ADAM2: variants seen among roughly 807,000 people sequenced by gnomAD.
ADAM2 encodes disintegrin and metalloproteinase domain-containing protein 2.
A neutral mutation model predicts 99.3 loss-of-function variants in ADAM2; 101 were observed. The observed-to-expected ratio is 1.02, with a 90% CI of 0.87 to 1.20. The LOEUF is 1.20. Ranked by LOEUF, ADAM2 falls within the 50% of genes most tolerant of loss-of-function variation. The probability of loss-of-function intolerance (pLI) is 0.00; values close to 1 mark genes in which losing one functional copy is unlikely to be tolerated. For synonymous variants in ADAM2, 323 were observed against 287.6 expected, an observed-to-expected ratio of 1.12 and a Z score of -1.25; for missense variants, 948 against 878.7, an observed-to-expected ratio of 1.08 and a Z score of -1.00.
chr8:39,782,752 C>G (rs1203765445), intron 10 of ADAM2, among the ~76,000 whole-genome samples: 2 of 151,880 alleles, frequency 1.3e-5, no homozygotes, highest in African/African-American at 2.4e-5. Context: ...TTTGTTTTTT[C>G]AGCTTTTTTT....
chr8:39,783,385 T>G (rs1803314717), intron 10 of ADAM2, among the ~76,000 whole-genome samples: 1 of 152,168 alleles, frequency 6.6e-6, no homozygotes, highest in Admixed American at 6.6e-5. Flanking sequence ...TATGGACCTC[T>G]TTTTCCTTTA....
intron 7 of ADAM2, among the ~76,000 whole-genome samples, chr8:39,792,409 C>A (rs1803757277): frequency 6.6e-6 from 1 of 151,896 alleles, no homozygotes; most frequent in Admixed American, 6.6e-5. Context: ...TCTATAAGAC[C>A]TCAGGATTCT....
chr8:39,821,560 T>C lies in ADAM2; in HGVS notation c.344+26A>G, dbSNP rs774757819. 2.0e-6 allele frequency: 3 copies of C among 1,467,778 alleles called. No homozygotes were observed. In the African/African-American group the frequency reaches 4.2e-5, roughly 21 times the overall value. 90.9% of individuals were successfully genotyped at this position (1,467,778 alleles called of 1,614,324 possible). On this transcript the variant is annotated intron_variant, in intron 5 of 20. Coordinates refer to ENST00000265708, the MANE Select transcript of ADAM2 (RefSeq NM_001464.5). ...ATTTTGAAGTAAATATTTTATTTTG[T>C]AATTCATAAAACAGTAAATTACAAC...
At chr8:39,813,437 T>C (rs1022118372) in intron 6 of ADAM2, among the ~76,000 whole-genome samples, 2 of 152,216 alleles carry the variant, frequency 1.3e-5, no homozygotes, top group Non-Finnish European at 1.5e-5. Flanking sequence ...CCCAAAGGAT[T>C]ATAAATCATG....
intron 16 of ADAM2, among the ~76,000 whole-genome samples, chr8:39,751,836 ACT>A (rs1801959744): frequency 6.7e-6 from 1 of 150,242 alleles, no homozygotes; most frequent in Admixed American, 6.6e-5. Context: ...ATCTGTACAT[ACT>A]CTTTTTTTTT....
At chr8:39,772,014 T>C (rs373926478) in intron 11 of ADAM2, among the ~76,000 whole-genome samples, 2 of 150,624 alleles carry the variant, frequency 1.3e-5, no homozygotes, top group African/African-American at 4.9e-5. Context: ...ACCGAAATGG[T>C]GCATGTATAC....
At chr8:39,831,703 A>G (rs1317567948) in intron 3 of ADAM2, among the ~76,000 whole-genome samples, 1 of 152,308 alleles carries the variant, frequency 6.6e-6, no homozygotes, top group African/African-American at 2.4e-5. Flanking sequence ...TGAAGAGTAG[A>G]TTAGACATAC....
rs1823381885 is a variant in ADAM2, at chr8:39,744,815, A to G, written c.*30+15T>C. On this transcript the variant is annotated intron_variant, in intron 20 of 20. Coordinates refer to ENST00000265708, the MANE Select transcript of ADAM2 (RefSeq NM_001464.5). Reference sequence around the variant, plus strand: ...TTAAAGTAAAATAAATTTTAAAAAAATGAAAGAAACTCACAGTGATATCAT... The same window carrying G: ...TTAAAGTAAAATAAATTTTAAAAAAGTGAAAGAAACTCACAGTGATATCAT... 2.6e-6 allele frequency: 4 copies of G among 1,541,762 alleles called. No homozygotes were observed. Among genetic ancestry groups the G allele is most frequent in the Non-Finnish European group, 3.5e-6 (4 of 1,136,456 alleles).
At chr8:39,778,861 G>C (rs1380649063) in intron 10 of ADAM2, among the ~76,000 whole-genome samples, 5 of 151,962 alleles carry the variant, frequency 3.3e-5, no homozygotes, top group African/African-American at 9.7e-5. Context: ...CCCTATTTTT[G>C]AGATATTGTA....
intron 1 of ADAM2, 137 bp downstream of exon 1, chr8:39,837,994 T>C (rs1425851858): frequency 1.1e-6 from 1 of 917,328 alleles, no homozygotes; most frequent in East Asian, 2.6e-5. Context: ...GGCGGCAATG[T>C]CGGGGATGAG....
At chr8:39,811,206 T>G (rs961293354) in intron 6 of ADAM2, among the ~76,000 whole-genome samples, 3 of 152,224 alleles carry the variant, frequency 2.0e-5, no homozygotes, top group Non-Finnish European at 4.4e-5. Context: ...GATAAATTCC[T>G]GGACACATAC....
chr8:39,808,230 G>C (rs970382927), intron 7 of ADAM2, among the ~76,000 whole-genome samples: 1 of 132,752 alleles, frequency 7.5e-6, no homozygotes, highest in East Asian at 2.5e-4. Context: ...ACAATTACAA[G>C]TAATAAACAT....
intron 10 of ADAM2, among the ~76,000 whole-genome samples, chr8:39,783,883 C>G (rs190315893): frequency 6.6e-6 from 1 of 151,342 alleles, no homozygotes; most frequent in Non-Finnish European, 1.5e-5. Context: ...ACCTGGGAGG[C>G]GGGGTGAGTC....
At chr8:39,824,522 A>C (rs1805322926) in intron 4 of ADAM2, among the ~76,000 whole-genome samples, 1 of 152,102 alleles carries the variant, frequency 6.6e-6, no homozygotes, top group African/African-American at 2.4e-5. Flanking sequence ...TCCTGATACA[A>C]GTCATGGTTT....
intron 15 of ADAM2, among the ~76,000 whole-genome samples, chr8:39,760,131 T>G (rs1257981243): frequency 6.6e-6 from 1 of 152,134 alleles, no homozygotes; most frequent in Non-Finnish European, 1.5e-5. Flanking sequence ...CCTCCCAAAG[T>G]GCTGGGATTA....
At chr8:39,808,424 G>A (rs979884971) in intron 7 of ADAM2, among the ~76,000 whole-genome samples, 12 of 152,062 alleles carry the variant, frequency 7.9e-5, no homozygotes, top group African/African-American at 2.9e-4. Context: ...AGAAATCAAA[G>A]AAGATCTAAA....
chr8:39,790,804 C>CA (rs1803679716), intron 7 of ADAM2, among the ~76,000 whole-genome samples: 1 of 151,878 alleles, frequency 6.6e-6, no homozygotes, highest in Non-Finnish European at 1.5e-5. Flanking sequence ...CCACTATAAG[C>CA]AGGTTCTAAT....
chr8:39,774,240 C>G (rs1802899230), intron 11 of ADAM2, among the ~76,000 whole-genome samples: 1 of 151,874 alleles, frequency 6.6e-6, no homozygotes. Flanking sequence ...ACAAGTCTTG[C>G]TCATAAATCA....
At chr8:39,814,898 C>T (rs1804875470) in intron 6 of ADAM2, among the ~76,000 whole-genome samples, 1 of 150,880 alleles carries the variant, frequency 6.6e-6, no homozygotes, top group East Asian at 1.9e-4. Context: ...TGAGATATAA[C>T]AGAGCAAATA....
Sources: allele counts gnomAD v4.1 joint callset (sites outside exome capture counted in the v4.1 genomes callset), GRCh38; gene constraint gnomAD v4.1.1; transcripts MANE v1.5; gene names NCBI Gene and HGNC (gene_info 2026-07-23, HGNC 2026-07-21).